Variants in SNTA1 observed in about 807,000 individuals in gnomAD.
SNTA1 encodes syntrophin alpha 1.
SNTA1 carries 31 observed loss-of-function variants against 47.1 expected under a neutral mutation model. The ratio of observed to expected loss-of-function variants is 0.66; its 90% CI spans 0.49 to 0.89. SNTA1 has a LOEUF of 0.89. Ranked by LOEUF, SNTA1 falls within the 40% of genes least tolerant of loss-of-function variation. The probability of loss-of-function intolerance (pLI) is 0.00; values close to 1 mark genes in which losing one functional copy is unlikely to be tolerated. For missense variants in SNTA1, 575 were observed against 693.0 expected, an observed-to-expected ratio of 0.83 and a Z score of 1.91; for synonymous variants, 300 against 313.6, an observed-to-expected ratio of 0.96 and a Z score of 0.46.
At chr20:33,417,644 G>T in intron 3 of SNTA1, 75 bp downstream of exon 3, 2 of 1,022,014 alleles carry the variant, frequency 2.0e-6, no homozygotes, top group Non-Finnish European at 3.1e-6. Context: ...ACAACACAGA[G>T]GTGTCTTTCC....
chr20:33,412,472 G>A (rs1417819717), intron 4 of SNTA1, 46 bp from the exon 5 acceptor site: 8 of 1,607,806 alleles, frequency 5.0e-6, no homozygotes, highest in African/African-American at 1.3e-5. Flanking sequence ...GGAAGAGAGG[G>A]CAGAGGGCCA....
intron 2 of SNTA1, among the ~76,000 whole-genome samples, chr20:33,435,870 G>A (rs1990428988): frequency 6.6e-6 from 1 of 152,154 alleles, no homozygotes; most frequent in African/African-American, 2.4e-5. Flanking sequence ...GACATACATG[G>A]GAACCCAGAT....
chr20:33,417,687 T>C, intron 3 of SNTA1, 32 bp downstream of exon 3: 1 of 1,522,918 alleles, frequency 6.6e-7, no homozygotes, highest in Non-Finnish European at 9.1e-7. Flanking sequence ...AGGGCATCTG[T>C]CCATCTGAGT....
At chr20:33,428,977 G>T (rs1236039546) in intron 2 of SNTA1, among the ~76,000 whole-genome samples, 2 of 151,800 alleles carry the variant, frequency 1.3e-5, no homozygotes, top group Admixed American at 6.6e-5. Flanking sequence ...AGAGGCAAAG[G>T]TTGCAGTGAG....
intron 1 of SNTA1, among the ~76,000 whole-genome samples, chr20:33,441,046 T>C (rs935389810): frequency 2.6e-5 from 4 of 152,250 alleles, no homozygotes; most frequent in African/African-American, 9.6e-5. Flanking sequence ...ACTAAACATC[T>C]TTATTACCAA....
At position 33,408,333 on chromosome 20, in the gene SNTA1, G is replaced by A. The variant is rs553395231; in HGVS notation, c.*174C>T. 2.0e-4 allele frequency: 130 copies of A among 662,590 alleles called. No homozygotes were observed. The highest frequency in any genetic ancestry group is 2.5e-4 in the Non-Finnish European group (90 of 360,696). 41.0% of individuals were successfully genotyped at this position (662,590 alleles called of 1,614,324 possible). ...ACAGGCAGAGTCCACTCTGTCCTGC[G>A]TCTGGGTCCTGGGCCCCAAGACCAA... On this transcript the variant is annotated 3_prime_UTR_variant, in exon 8 of 8. Transcript: ENST00000217381.
intron 3 of SNTA1, among the ~76,000 whole-genome samples, chr20:33,413,603 C>T (rs1989800332): frequency 6.7e-6 from 1 of 149,434 alleles, no homozygotes; most frequent in Admixed American, 6.7e-5. Context: ...CAGAACCAAA[C>T]TAATTCACTA....
chr20:33,436,126 G>A (rs1471767214), intron 2 of SNTA1, among the ~76,000 whole-genome samples: 1 of 152,022 alleles, frequency 6.6e-6, no homozygotes, highest in African/African-American at 2.4e-5. Context: ...CCGGGAGGCG[G>A]AGCTTGCAGT....
intron 1 of SNTA1, among the ~76,000 whole-genome samples, chr20:33,440,109 A>G (rs291677): frequency 0.62 from 94,370 of 151,684 alleles, 29,871 homozygotes; most frequent in South Asian, 0.7. Flanking sequence ...TGGGCAACAA[A>G]AGTGAAACTC....
In SNTA1 at chr20:33,408,868, G is replaced by T; in HGVS notation, c.1258C>A (p.Pro420Thr). 1 of 1,614,124 alleles carries T rather than the reference G, an allele frequency of 6.2e-7. No individual in the cohort carries two copies. Among genetic ancestry groups the T allele is most frequent in the Non-Finnish European group, 8.5e-7 (1 of 1,180,032 alleles). ...VSTACTWNGR[P>T]CSLSVHIDKG... ...TCGATGTGCACAGACAGGCTGCAGGGACGCCCATTCCACGTGCAGGCTGCA... is the reference window on the plus strand; with the variant it reads ...TCGATGTGCACAGACAGGCTGCAGGTACGCCCATTCCACGTGCAGGCTGCA... The change falls in exon 7 of 8, where the codon CCC becomes ACC. Residue 420 changes from proline to threonine, a missense_variant. Physicochemically the swap from Pro to Thr is conservative, Grantham distance 38. Coordinates refer to ENST00000217381, the MANE Select transcript of SNTA1 (RefSeq NM_003098.3).
intron 2 of SNTA1, among the ~76,000 whole-genome samples, chr20:33,435,767 A>G (rs1017761683): frequency 6.6e-6 from 1 of 152,218 alleles, no homozygotes; most frequent in Non-Finnish European, 1.5e-5. Flanking sequence ...GGAGGAATGC[A>G]TGACATGAGT....
chr20:33,431,288 T>A (rs767244020), intron 2 of SNTA1, among the ~76,000 whole-genome samples: 14 of 152,050 alleles, frequency 9.2e-5, no homozygotes, highest in Non-Finnish European at 1.9e-4. Context: ...TTGATTAAAA[T>A]ATATATATAT....
rs369710430 is a variant in SNTA1 at position 33,442,260 on chromosome 20, C to T, written c.310+1051G>A. 1.1e-4 allele frequency among the ~76,000 whole-genome samples: 16 copies of T among 152,254 alleles called. No homozygotes were observed. The East Asian group carries it at 2.1e-3, about 20-fold the overall frequency. ...TCCCCACCGCCTCAGCCAAGCCAAA[C>T]GGTCTGGAGGCACTAGTCAACAGAA... is the stretch of plus-strand genomic sequence containing the variant. On this transcript the variant is annotated intron_variant, in intron 1 of 7. Transcript: ENST00000217381.
chr20:33,443,612 G>T lies in SNTA1; in HGVS notation c.9C>A (p.Ser3=). 8.2e-7 allele frequency: 1 copy of T among 1,225,826 alleles called. No individual in the cohort carries two copies. Among genetic ancestry groups the T allele is most frequent in the South Asian group, 2.8e-5 (1 of 35,752 alleles). 75.9% of individuals were successfully genotyped at this position (1,225,826 alleles called of 1,614,324 possible). The change falls in exon 1 of 8, where the codon TCC becomes TCA. Residue 3 remains serine (S), a synonymous_variant. Transcript: ENST00000217381. MA[S]GRRAPRTGLL... is the part of the protein sequence containing the mutation. ...GCCCGGTGCGCGGGGCGCGCCTGCC[G>T]GACGCCATCTTCGCCTCCGAGCCCC... is the stretch of plus-strand genomic sequence containing the variant.
In SNTA1 at chr20:33,412,560, A is replaced by G; in HGVS notation, c.909+15T>C. ...CGGAAGAGAGAGAGGGATAGGTCCCAGGCCCAGCAGGTACCTGCTCAGTTA... is the reference window on the plus strand; with the variant it reads ...CGGAAGAGAGAGAGGGATAGGTCCCGGGCCCAGCAGGTACCTGCTCAGTTA... On this transcript the variant is annotated intron_variant, in intron 4 of 7. Coordinates refer to ENST00000217381, the MANE Select transcript of SNTA1 (RefSeq NM_003098.3). 6.2e-7 allele frequency: 1 copy of G among 1,610,308 alleles called. No homozygotes were observed. Among genetic ancestry groups the G allele is most frequent in the Non-Finnish European group, 8.5e-7 (1 of 1,177,890 alleles).
At chr20:33,420,086 GC>G (rs1989984394) in intron 2 of SNTA1, among the ~76,000 whole-genome samples, 1 of 152,092 alleles carries the variant, frequency 6.6e-6, no homozygotes, top group East Asian at 1.9e-4. Context: ...ACCACACCCA[GC>G]TAATTTTTGT....
intron 2 of SNTA1, among the ~76,000 whole-genome samples, chr20:33,420,197 T>C (rs1020528915): frequency 6.6e-6 from 1 of 152,176 alleles, no homozygotes; most frequent in Non-Finnish European, 1.5e-5. Flanking sequence ...GTGCTGGGAT[T>C]ACAGGCATGA....
intron 2 of SNTA1, among the ~76,000 whole-genome samples, chr20:33,430,173 G>A (rs866906213): frequency 7.2e-5 from 11 of 151,944 alleles, no homozygotes; most frequent in East Asian, 1.9e-4. Context: ...CTTATTGAGC[G>A]CCTACTATAT....
intron 2 of SNTA1, among the ~76,000 whole-genome samples, chr20:33,432,311 T>C (rs1990329221): frequency 6.6e-6 from 1 of 152,230 alleles, no homozygotes; most frequent in Non-Finnish European, 1.5e-5. Flanking sequence ...AGTAGGGAGC[T>C]GGCCTTAGAG....
Sources: gnomAD v4.1 joint callset for allele counts (sites outside exome capture counted in the v4.1 genomes callset) on GRCh38, gnomAD v4.1.1 for gene constraint, MANE v1.5 for transcripts, NCBI Gene and HGNC (gene_info 2026-07-23, HGNC 2026-07-21) for gene names.